ACTL8: variants seen among roughly 807,000 people sequenced by gnomAD.
ACTL8 encodes actin-like protein 8.
ACTL8 carries 3 observed loss-of-function variants against 9.3 expected under a neutral mutation model. The observed-to-expected ratio is 0.32, with a 90% CI of 0.15 to 0.83. The LOEUF (loss-of-function observed/expected upper bound fraction) is 0.83. Among genes scored for constraint, ACTL8 ranks in the 40% least tolerant of loss-of-function variants. The pLI, the probability that ACTL8 is intolerant of heterozygous loss-of-function variation, is 0.57. For missense variants in ACTL8, 381 were observed against 492.2 expected, an observed-to-expected ratio of 0.77 and a Z score of 2.14; for synonymous variants, 224 against 205.9, an observed-to-expected ratio of 1.09 and a Z score of -0.75.
chr1:17,811,643 A>G (rs1237558720), intron 1 of ACTL8, among the ~76,000 whole-genome samples: 1 of 152,196 alleles, frequency 6.6e-6, no homozygotes, highest in Non-Finnish European at 1.5e-5. Flanking sequence ...TTTGTAAACA[A>G]GTGAGGAATG....
chr1:17,781,131 A>G (rs260520), intron 1 of ACTL8, among the ~76,000 whole-genome samples: 151 of 151,964 alleles, frequency 9.9e-4, no homozygotes, highest in African/African-American at 3.5e-3. Flanking sequence ...TGTTCCTGGC[A>G]TGTGGCTGCA....
At chr1:17,818,391 A>G (rs558312467) in intron 1 of ACTL8, among the ~76,000 whole-genome samples, 1 of 152,290 alleles carries the variant, frequency 6.6e-6, no homozygotes, top group African/African-American at 2.4e-5. Flanking sequence ...CTATTGGCCG[A>G]AGTGATCCTT....
intron 1 of ACTL8, among the ~76,000 whole-genome samples, chr1:17,794,610 G>T (rs548859241): frequency 6.6e-6 from 1 of 151,438 alleles, no homozygotes; most frequent in South Asian, 2.1e-4. Context: ...GGCCTCCCTG[G>T]TCTCATCTTA....
chr1:17,819,691 C>T (rs545449036), intron 1 of ACTL8, among the ~76,000 whole-genome samples: 1 of 152,318 alleles, frequency 6.6e-6, no homozygotes, highest in Non-Finnish European at 1.5e-5. Context: ...GTTCATACAC[C>T]TTTCATTGAA....
intron 1 of ACTL8, among the ~76,000 whole-genome samples, chr1:17,806,641 T>C (rs1420776942): frequency 1.3e-5 from 2 of 152,200 alleles, no homozygotes; most frequent in African/African-American, 2.4e-5. Context: ...GGATACAATG[T>C]CCGGTCACAC....
intron 1 of ACTL8, among the ~76,000 whole-genome samples, chr1:17,806,904 C>T (rs780030707): frequency 2.6e-5 from 4 of 152,216 alleles, no homozygotes; most frequent in Non-Finnish European, 5.9e-5. Context: ...GTCAGAAGCA[C>T]GGGATGCGTC....
Sources: gnomAD v4.1 joint callset for allele counts (sites outside exome capture counted in the v4.1 genomes callset) on GRCh38, gnomAD v4.1.1 for gene constraint, MANE v1.5 for transcripts, NCBI Gene and HGNC (gene_info 2026-07-23, HGNC 2026-07-21) for gene names.